Variants in C8orf89 observed in about 807,000 individuals in gnomAD.
The protein encoded by C8orf89 is chromosome 8 open reading frame 89.
A neutral mutation model predicts 15.8 loss-of-function variants in C8orf89; 14 were observed. The observed-to-expected ratio is 0.89, with a 90% CI of 0.59 to 1.39. The LOEUF (loss-of-function observed/expected upper bound fraction) is 1.39. Among genes scored for constraint, C8orf89 ranks in the 40% most tolerant of loss-of-function variants. C8orf89 has a pLI of 0.00. For missense variants in C8orf89, 181 were observed against 184.5 expected, an observed-to-expected ratio of 0.98 and a Z score of 0.11; for synonymous variants, 55 against 62.2, an observed-to-expected ratio of 0.88 and a Z score of 0.54.
intron 2 of C8orf89, 114 bp downstream of exon 2, chr8:73,256,859 A>G (rs1813402923): frequency 4.4e-6 from 3 of 674,890 alleles, no homozygotes. Flanking sequence ...ATGTAAAAAA[A>G]AAAAAAAAAC....
upstream of C8orf89, among the ~76,000 whole-genome samples, chr8:73,263,743 C>T (rs6983491): frequency 0.083 from 12,589 of 152,144 alleles, 673 homozygotes; most frequent in Non-Finnish European, 0.12. Flanking sequence ...TTAATTGGGG[C>T]AGTCAGACAA....
intron 3 of C8orf89, among the ~76,000 whole-genome samples, chr8:73,244,003 A>C (rs1813067006): frequency 2.0e-5 from 3 of 152,316 alleles, no homozygotes; most frequent in African/African-American, 7.2e-5. Context: ...TTTTTAAAAC[A>C]TGGGACAACT....
the C8orf89 span, among the ~76,000 whole-genome samples, chr8:73,269,061 G>A: frequency 6.6e-6 from 1 of 152,280 alleles, no homozygotes; most frequent in East Asian, 1.9e-4. Context: ...GGTGGAAAAT[G>A]TAGACTTCAT....
At chr8:73,250,053 A>T (rs1813213581) in intron 3 of C8orf89, among the ~76,000 whole-genome samples, 1 of 152,170 alleles carries the variant, frequency 6.6e-6, no homozygotes, top group South Asian at 2.1e-4. Flanking sequence ...GGCCCAAGTG[A>T]GATATGATGA....
chr8:73,252,540 C>A (rs1483441203), intron 2 of C8orf89, among the ~76,000 whole-genome samples: 1 of 151,876 alleles, frequency 6.6e-6, no homozygotes, highest in Non-Finnish European at 1.5e-5. Context: ...TTTTTTTCTG[C>A]AAAGTTCTTA....
rs1345619476 is a variant in C8orf89 at position 73,255,509 on chromosome 8, T to C, written c.281+1464A>G. On this transcript the variant is annotated intron_variant, in intron 2 of 3. Transcript: ENST00000624510. ...GATGTGGAGAAATCCCACTCCTTGGTGGGACTGTAAACTAGTTCAACCCTT... is the reference window on the plus strand; with the variant it reads ...GATGTGGAGAAATCCCACTCCTTGGCGGGACTGTAAACTAGTTCAACCCTT... Among the ~76,000 whole-genome samples, 3 of 152,100 alleles carry C rather than the reference T, an allele frequency of 2.0e-5. No individual in the cohort carries two copies. In the East Asian group the frequency reaches 5.8e-4, roughly 29 times the overall value.
chr8:73,250,504 A>G (rs1813223929), intron 2 of C8orf89, among the ~76,000 whole-genome samples, 181 bp from the exon 3 acceptor site: 1 of 152,184 alleles, frequency 6.6e-6, no homozygotes, highest in South Asian at 2.1e-4. Flanking sequence ...AGCAAATTTT[A>G]CCAGTGGCTG....
intron 2 of C8orf89, among the ~76,000 whole-genome samples, chr8:73,251,302 A>G (rs143705831): frequency 4.6e-5 from 7 of 152,352 alleles, no homozygotes; most frequent in Admixed American, 3.3e-4. Context: ...GGGGTTGTAC[A>G]TAAAACGAAC....
upstream of C8orf89, among the ~76,000 whole-genome samples, chr8:73,264,318 T>C (rs545341636): frequency 1.5e-4 from 23 of 152,274 alleles, no homozygotes; most frequent in African/African-American, 5.5e-4. Flanking sequence ...TCTGCACATG[T>C]CCACAGGAGA....
the C8orf89 span, among the ~76,000 whole-genome samples, chr8:73,275,152 A>G: frequency 1.3e-5 from 2 of 150,546 alleles, no homozygotes; most frequent in Non-Finnish European, 3.0e-5. Context: ...ATCTTAATTT[A>G]TACTGAATAA....
At chr8:73,247,531 A>G (rs1459578978) in intron 3 of C8orf89, among the ~76,000 whole-genome samples, 3 of 152,204 alleles carry the variant, frequency 2.0e-5, no homozygotes, top group Non-Finnish European at 1.5e-5. Context: ...GTTTCCTACA[A>G]TGATTGAACT....
chr8:73,273,179 C>G, the C8orf89 span, among the ~76,000 whole-genome samples: 1 of 152,314 alleles, frequency 6.6e-6, no homozygotes, highest in South Asian at 2.1e-4. Context: ...GAGCGAGGAA[C>G]AGGCAGAAGC....
the C8orf89 span, among the ~76,000 whole-genome samples, chr8:73,284,851 G>C: frequency 6.6e-6 from 1 of 152,184 alleles, no homozygotes; most frequent in African/African-American, 2.4e-5. Context: ...AAGAATTCTT[G>C]TGCTTTAGGG....
At chr8:73,263,986 A>G (rs1377609703), upstream of C8orf89, among the ~76,000 whole-genome samples, 1 of 152,136 alleles carries the variant, frequency 6.6e-6, no homozygotes, top group African/African-American at 2.4e-5. Context: ...CTGTTTAAAG[A>G]CATCTTATTT....
At chr8:73,252,262 C>T (rs961726525) in intron 2 of C8orf89, among the ~76,000 whole-genome samples, 1 of 151,942 alleles carries the variant, frequency 6.6e-6, no homozygotes, top group Non-Finnish European at 1.5e-5. Context: ...TTTCAAAATC[C>T]AACTATAGGA....
chr8:73,259,566 A>G (rs1358429298), upstream of C8orf89: 3 of 633,758 alleles, frequency 4.7e-6, no homozygotes, highest in African/African-American at 5.6e-5. Flanking sequence ...CAGATGTGTC[A>G]TAATGTTTCT....
chr8:73,254,315 T>A (rs1813317104), intron 2 of C8orf89, among the ~76,000 whole-genome samples: 1 of 152,100 alleles, frequency 6.6e-6, no homozygotes, highest in Non-Finnish European at 1.5e-5. Flanking sequence ...CTTTTTGATG[T>A]GCTGCTGGAT....
intron 3 of C8orf89, among the ~76,000 whole-genome samples, chr8:73,244,144 A>G (rs926967680): frequency 4.6e-5 from 7 of 152,238 alleles, no homozygotes; most frequent in African/African-American, 1.7e-4. Context: ...GTAAAATTGT[A>G]AAGTAAAATA....
At chr8:73,264,088 T>C (rs1284938247), upstream of C8orf89, among the ~76,000 whole-genome samples, 1 of 152,212 alleles carries the variant, frequency 6.6e-6, no homozygotes, top group South Asian at 2.1e-4. Context: ...CATCACAGCC[T>C]TCTTGTGCTT....
Sources: allele counts gnomAD v4.1 joint callset (sites outside exome capture counted in the v4.1 genomes callset), GRCh38; gene constraint gnomAD v4.1.1; transcripts MANE v1.5; gene names NCBI Gene and HGNC (gene_info 2026-07-23, HGNC 2026-07-21).